The following EML6 variants were observed in gnomAD, a reference collection of about 807,000 sequenced individuals.
EML6 encodes the protein echinoderm microtubule-associated protein-like 6.
Under a neutral mutation model 240.1 loss-of-function variants are expected in EML6, and 154 were observed. That is an observed-to-expected ratio of 0.64 (90% CI 0.56 to 0.73). The LOEUF is 0.73. Ranked by LOEUF, EML6 falls within the 30% of genes least tolerant of loss-of-function variation. The probability of loss-of-function intolerance (pLI) is 0.00; values close to 1 mark genes in which losing one functional copy is unlikely to be tolerated. For synonymous variants in EML6, 1,148 were observed against 899.0 expected (o/e 1.28, Z -4.95); for missense variants, 2,964 against 2,474.6 (o/e 1.20, Z -4.20).
At chr2:54,905,174 C>G (rs188458608) in intron 24 of EML6, among the ~76,000 whole-genome samples, 6 of 152,146 alleles carry the variant, frequency 3.9e-5, no homozygotes, top group Admixed American at 3.9e-4. Context: ...TATCTAGGAA[C>G]TGGTGAGGCC....
chr2:54,810,424 G>A (rs1667778383), intron 2 of EML6, among the ~76,000 whole-genome samples: 1 of 152,088 alleles, frequency 6.6e-6, no homozygotes, highest in Non-Finnish European at 1.5e-5. Flanking sequence ...GTCATTCAAA[G>A]AACTGCAATA....
intron 2 of EML6, among the ~76,000 whole-genome samples, chr2:54,802,435 G>A (rs764730790): frequency 1.2e-4 from 18 of 151,884 alleles, no homozygotes; most frequent in Non-Finnish European, 2.5e-4. Context: ...AGACAAGCCT[G>A]GTCAACATGG....
At chr2:54,863,514 CAAAA>C (rs1013433227) in intron 12 of EML6, among the ~76,000 whole-genome samples, 1 of 151,798 alleles carries the variant, frequency 6.6e-6, no homozygotes, top group African/African-American at 2.4e-5. Flanking sequence ...GACCCTGTCT[CAAAA>C]AAAGTATAAA....
chr2:54,926,815 C>T (rs1041244181), intron 26 of EML6, among the ~76,000 whole-genome samples: 13 of 152,176 alleles, frequency 8.5e-5, no homozygotes, highest in Admixed American at 3.9e-4. Context: ...TTCCCCTCTG[C>T]AACCTGAATC....
At chr2:54,857,923 G>A (rs1390438818) in intron 11 of EML6, among the ~76,000 whole-genome samples, 1 of 152,186 alleles carries the variant, frequency 6.6e-6, no homozygotes, top group African/African-American at 2.4e-5. Flanking sequence ...TGCTTTTGCA[G>A]GTTCTAGTTC....
chr2:54,794,409 G>A (rs1412220288), intron 2 of EML6, among the ~76,000 whole-genome samples: 2 of 152,086 alleles, frequency 1.3e-5, no homozygotes, highest in Admixed American at 6.5e-5. Flanking sequence ...TTGACCCCTT[G>A]CTGACCATGT....
At chr2:54,870,865 T>C (rs1671221021) in intron 15 of EML6, among the ~76,000 whole-genome samples, 1 of 152,164 alleles carries the variant, frequency 6.6e-6, no homozygotes, top group Non-Finnish European at 1.5e-5. Context: ...TTATCTCCCA[T>C]TTTTCCTTTT....
chr2:54,802,363 C>A (rs180739991), intron 2 of EML6, among the ~76,000 whole-genome samples: 2 of 152,142 alleles, frequency 1.3e-5, no homozygotes, highest in African/African-American at 2.4e-5. Context: ...CAGTGACTCA[C>A]GCCTCTAAGC....
At chr2:54,761,653 T>C (rs1330799382) in intron 2 of EML6, among the ~76,000 whole-genome samples, 1 of 152,198 alleles carries the variant, frequency 6.6e-6, no homozygotes, top group Non-Finnish European at 1.5e-5. Flanking sequence ...GTCTGAATTA[T>C]GATATGGAAA....
At chr2:54,799,982 A>C (rs759004496) in intron 2 of EML6, among the ~76,000 whole-genome samples, 16 of 152,230 alleles carry the variant, frequency 1.1e-4, no homozygotes, top group Non-Finnish European at 2.4e-4. Context: ...GTGGTGGCTC[A>C]CGCCTGTAAT....
At chr2:54,739,574 G>C (rs1369206377) in intron 2 of EML6, among the ~76,000 whole-genome samples, 1 of 152,204 alleles carries the variant, frequency 6.6e-6, no homozygotes, top group Non-Finnish European at 1.5e-5. Context: ...GTGAGGCGCT[G>C]GGGACCCAGC....
At chr2:54,927,277 G>A (rs373700773) in intron 26 of EML6, among the ~76,000 whole-genome samples, 1 of 152,174 alleles carries the variant, frequency 6.6e-6, no homozygotes, top group Non-Finnish European at 1.5e-5. Context: ...TTGACTAGGA[G>A]TATTACAAAG....
intron 24 of EML6, 103 bp downstream of exon 24, chr2:54,903,605 A>G (rs1409158265): frequency 3.1e-6 from 3 of 979,068 alleles, no homozygotes; most frequent in Non-Finnish European, 2.9e-6. Context: ...AGAAATGGGA[A>G]AGGGGAATCC....
At chr2:54,882,158 A>T (rs1042257760) in intron 17 of EML6, 1 of 151,792 alleles carries the variant, frequency 6.6e-6, no homozygotes, top group Non-Finnish European at 1.5e-5. Flanking sequence ...TCAAGATTTT[A>T]TTTTCAAGAT....
intron 7 of EML6, among the ~76,000 whole-genome samples, chr2:54,834,765 G>T (rs920340576): frequency 7.2e-5 from 11 of 152,202 alleles, no homozygotes; most frequent in Admixed American, 5.2e-4. Context: ...GACATGAGAT[G>T]CCCTGCTTAG....
chr2:54,844,334 C>T, intron 8 of EML6, 86 bp downstream of exon 8: 1 of 1,010,696 alleles, frequency 9.9e-7, no homozygotes, highest in Non-Finnish European at 1.5e-6. Context: ...GGATAAAGTG[C>T]AGAACAGAAC....
chr2:54,836,749 C>T (rs1669168768), intron 7 of EML6, among the ~76,000 whole-genome samples: 1 of 152,192 alleles, frequency 6.6e-6, no homozygotes, highest in African/African-American at 2.4e-5. Context: ...TTTGCTGTCA[C>T]TTGCTTGGAA....
At chr2:54,924,643 C>T (rs1674446809) in intron 26 of EML6, among the ~76,000 whole-genome samples, 1 of 152,160 alleles carries the variant, frequency 6.6e-6, no homozygotes, top group Admixed American at 6.5e-5. Context: ...CTCACTGCAA[C>T]CTCTGTCTCC....
Position 54,895,004 on chromosome 2 carries a change from A to G in EML6, c.2832A>G (p.Ser944=), listed in dbSNP as rs1385087524. The G allele has an allele frequency of 6.4e-7, 1 of 1,551,294 alleles. No homozygotes were observed. The highest frequency in any genetic ancestry group is 2.0e-5 in the Admixed American group (1 of 51,008). ...TGAAGACTTATGCCATTAAAAGATC[A>G]GCATTGTCGACTAGCTCAAAAGGTG... The part of the protein sequence containing the change: ...RCLKTYAIKR[S]ALSTSSKGLL... Residue 944 remains serine (S), a synonymous_variant, in exon 20 of 42, where the codon TCA becomes TCG. Coordinates refer to ENST00000356458, the MANE Select transcript of EML6 (RefSeq NM_001039753.4).
Sources: allele counts gnomAD v4.1 joint callset (sites outside exome capture counted in the v4.1 genomes callset), GRCh38; gene constraint gnomAD v4.1.1; transcripts MANE v1.5; gene names NCBI Gene and HGNC (gene_info 2026-07-23, HGNC 2026-07-21).